The following PCDHA6 variants were observed in gnomAD, a reference collection of about 807,000 sequenced individuals.
PCDHA6 encodes the protein protocadherin alpha 6, also known as protocadherin alpha-6.
In PCDHA6, 55 loss-of-function variants were observed where a neutral mutation model predicts 60.3. The ratio of observed to expected loss-of-function variants is 0.91; its 90% CI spans 0.73 to 1.14. PCDHA6 has a LOEUF of 1.14. Among genes scored for constraint, PCDHA6 ranks in the 50% most tolerant of loss-of-function variants. The pLI is 0.00. For missense variants in PCDHA6, 1,327 were observed against 1,256.5 expected, an observed-to-expected ratio of 1.06 and a Z score of -0.85; for synonymous variants, 652 against 557.9, an observed-to-expected ratio of 1.17 and a Z score of -2.38.
rs2150177416 is a variant in PCDHA6 at position 140,829,903 on chromosome 5, C to T, written c.1812C>T (p.Asn604=). The part of the protein sequence containing the change: ...VRAVDADSGY[N]AWLSYELQPP... ...CAGTTGACGCCGACTCAGGCTACAA[C>T]GCGTGGCTTTCGTATGAGCTGCAGC... is the stretch of plus-strand genomic sequence containing the variant. Residue 604 remains asparagine (N), a synonymous_variant, in exon 1 of 4, where the codon AAC becomes AAT. Coordinates refer to ENST00000529310, the MANE Select transcript of PCDHA6 (RefSeq NM_018909.4). 3 of 1,613,978 alleles carry T rather than the reference C, an allele frequency of 1.9e-6. No individual in the cohort carries two copies. Among genetic ancestry groups the T allele is most frequent in the Non-Finnish European group, 1.7e-6 (2 of 1,179,904 alleles).
intron 1 of PCDHA6, among the ~76,000 whole-genome samples, chr5:140,901,939 A>G (rs1583441166): frequency 6.6e-6 from 1 of 151,884 alleles, no homozygotes; most frequent in Non-Finnish European, 1.5e-5. Flanking sequence ...TCCTAGGTAT[A>G]TTTAGTTTTA....
At chr5:140,885,736 C>T (rs1457106867) in intron 1 of PCDHA6, among the ~76,000 whole-genome samples, 1 of 152,060 alleles carries the variant, frequency 6.6e-6, no homozygotes, top group African/African-American at 2.4e-5. Context: ...AATGATATTT[C>T]ACTGTTACTT....
At chr5:140,830,537 G>C (rs886492362) in intron 1 of PCDHA6, 52 bp downstream of exon 1, 1 of 1,226,260 alleles carries the variant, frequency 8.2e-7, no homozygotes, top group African/African-American at 1.6e-5. Flanking sequence ...ATTTATAATT[G>C]TTTTCCTCAT....
intron 1 of PCDHA6, among the ~76,000 whole-genome samples, chr5:140,923,228 C>A (rs2338302): frequency 1.4e-5 from 1 of 71,808 alleles, no homozygotes; most frequent in South Asian, 4.8e-4. Context: ...TCGTTTGAGC[C>A]CAGAAGTTTG....
At chr5:140,894,960 A>G (rs1277191439) in intron 1 of PCDHA6, among the ~76,000 whole-genome samples, 1 of 152,170 alleles carries the variant, frequency 6.6e-6, no homozygotes, top group African/African-American at 2.4e-5. Context: ...ATAAAAATAT[A>G]ATTTTTTAAT....
At chr5:140,990,542 C>T (rs2097399330) in intron 3 of PCDHA6, among the ~76,000 whole-genome samples, 1 of 152,180 alleles carries the variant, frequency 6.6e-6, no homozygotes, top group South Asian at 2.1e-4. Context: ...ATCATAGATA[C>T]TGTATTACCC....
intron 1 of PCDHA6, chr5:140,837,006 G>A (rs1774868844): frequency 3.1e-6 from 1 of 317,894 alleles, no homozygotes; most frequent in African/African-American, 2.2e-5. Context: ...TGGAGCAATG[G>A]ATTCACCTTT....
Position 140,849,766 on chromosome 5 carries a change from T to C in PCDHA6, c.2394+19281T>C. 1.9e-6 allele frequency: 3 copies of C among 1,598,326 alleles called. 1 individual carries two copies. Among genetic ancestry groups the C allele is most frequent in the Middle Eastern group, 1.7e-4 (1 of 5,858 alleles). On this transcript the variant is annotated intron_variant, in intron 1 of 3. Coordinates refer to ENST00000529310, the MANE Select transcript of PCDHA6 (RefSeq NM_018909.4). The stretch of plus-strand genomic sequence containing the variant: ...GAGAGTGTGTCCGCCTACGAGCTGG[T>C]GGTTACCGCGCGGGACGGGGGCTCG...
At chr5:140,968,396 G>A (rs1181874720) in intron 1 of PCDHA6, 1 of 1,613,890 alleles carries the variant, frequency 6.2e-7, no homozygotes, top group Non-Finnish European at 8.5e-7. Flanking sequence ...GAAGTTTCGG[G>A]AGTTCTTTGT....
chr5:140,882,133 G>A, intron 1 of PCDHA6: 1 of 1,483,612 alleles, frequency 6.7e-7, no homozygotes, highest in Non-Finnish European at 9.0e-7. Flanking sequence ...TCTTCCTGCA[G>A]AAAATATAGC....
intron 1 of PCDHA6, among the ~76,000 whole-genome samples, chr5:140,922,883 T>A (rs963654982): frequency 2.6e-5 from 4 of 152,134 alleles, no homozygotes; most frequent in Admixed American, 2.0e-4. Flanking sequence ...TCCAAAGACA[T>A]CATTCAAGAA....
chr5:140,990,232 C>T (rs983376308), intron 3 of PCDHA6, among the ~76,000 whole-genome samples: 4 of 152,054 alleles, frequency 2.6e-5, no homozygotes, highest in Non-Finnish European at 4.4e-5. Flanking sequence ...TTGTAACTAG[C>T]GTTGTATTCC....
intron 1 of PCDHA6, among the ~76,000 whole-genome samples, chr5:140,901,632 G>A (rs768343428): frequency 6.6e-5 from 10 of 152,172 alleles, no homozygotes; most frequent in Non-Finnish European, 1.3e-4. Flanking sequence ...GTCAGGTAAT[G>A]TGATTCTTCC....
chr5:140,850,140 G>T lies in PCDHA6; in HGVS notation c.2394+19655G>T, dbSNP rs2150469344. ...GGGCGTGCCGCCTCTGGGCAGCAACGTGACGCTGCAGGTGTTCGTGCTGGA... is the reference window on the plus strand; with the variant it reads ...GGGCGTGCCGCCTCTGGGCAGCAACTTGACGCTGCAGGTGTTCGTGCTGGA... On this transcript the variant is annotated intron_variant, in intron 1 of 3. Transcript: ENST00000529310. 66 of 1,595,706 alleles carry T rather than the reference G, an allele frequency of 4.1e-5. 9 individuals are homozygous for T. Among genetic ancestry groups the T allele is most frequent in the East Asian group, 6.7e-5 (3 of 44,838 alleles).
chr5:140,974,126 T>C (rs1554235851), intron 1 of PCDHA6, among the ~76,000 whole-genome samples: 1 of 152,242 alleles, frequency 6.6e-6, no homozygotes, highest in Non-Finnish European at 1.5e-5. Flanking sequence ...GTGTTTTAAA[T>C]CTGCTAACCT....
chr5:140,932,101 T>G (rs1281828369), intron 1 of PCDHA6, among the ~76,000 whole-genome samples: 6 of 151,958 alleles, frequency 3.9e-5, no homozygotes, highest in Non-Finnish European at 8.8e-5. Context: ...TTTTTATCTC[T>G]GTATTTCCAA....
intron 1 of PCDHA6, chr5:140,871,357 C>A: frequency 6.2e-7 from 1 of 1,614,196 alleles, no homozygotes; most frequent in Non-Finnish European, 8.5e-7. Flanking sequence ...ATACTCGCAG[C>A]AGAGGCGGCA....
At chr5:140,875,761 G>C (rs373515339) in intron 1 of PCDHA6, 4 of 1,614,118 alleles carry the variant, frequency 2.5e-6, no homozygotes, top group East Asian at 4.5e-5. Context: ...GAAGCTGTGC[G>C]GGCGGAGCGC....
At chr5:140,933,988 G>C (rs1156532752) in intron 1 of PCDHA6, among the ~76,000 whole-genome samples, 1 of 151,832 alleles carries the variant, frequency 6.6e-6, no homozygotes, top group Non-Finnish European at 1.5e-5. Context: ...CCTGGTGTTA[G>C]TGTCACCTCT....
Sources: allele counts gnomAD v4.1 joint callset (sites outside exome capture counted in the v4.1 genomes callset), GRCh38; gene constraint gnomAD v4.1.1; transcripts MANE v1.5; gene names NCBI Gene and HGNC (gene_info 2026-07-23, HGNC 2026-07-21).